The following IFT46 variants were observed in gnomAD, a reference collection of about 807,000 sequenced individuals.
IFT46 encodes the protein intraflagellar transport protein 46 homolog.
A neutral mutation model predicts 39.6 loss-of-function variants in IFT46; 19 were observed. The ratio of observed to expected loss-of-function variants is 0.48; its 90% CI spans 0.33 to 0.70. The LOEUF (loss-of-function observed/expected upper bound fraction) is 0.70. IFT46 is among the 30% of genes least tolerant of loss of function. The pLI is 0.01. For synonymous variants in IFT46, 117 were observed against 134.8 expected, an observed-to-expected ratio of 0.87 and a Z score of 0.91; for missense variants, 334 against 364.8, an observed-to-expected ratio of 0.92 and a Z score of 0.69.
intron 2 of IFT46, chr11:118,561,346 G>C: frequency 1.1e-6 from 1 of 936,636 alleles, no homozygotes; most frequent in South Asian, 1.3e-5. Context: ...ATGCTTACAA[G>C]AACCAGTTCT....
chr11:118,546,389 G>A, intron 9 of IFT46: 1 of 489,352 alleles, frequency 2.0e-6, no homozygotes, highest in South Asian at 2.3e-5. Flanking sequence ...TACTTGGGAG[G>A]CTGGGGTGGG....
At chr11:118,569,564 G>A (rs142435914), upstream of IFT46, among the ~76,000 whole-genome samples, 3 of 152,242 alleles carry the variant, frequency 2.0e-5, no homozygotes. Flanking sequence ...AATTGATACG[G>A]GTAAGAGCAA....
At chr11:118,551,147 G>A (rs1413327332) in intron 9 of IFT46, among the ~76,000 whole-genome samples, 1 of 151,674 alleles carries the variant, frequency 6.6e-6, no homozygotes, top group African/African-American at 2.4e-5. Flanking sequence ...CAAGGCAGAC[G>A]GATCACTTGA....
In IFT46 at chr11:118,556,932, A is replaced by T. The variant is rs1937857099; in HGVS notation, c.159T>A (p.Asp53Glu). 5.7e-6 allele frequency: 9 copies of T among 1,591,142 alleles called. No homozygotes were observed. The highest frequency in any genetic ancestry group is 1.2e-5 in the South Asian group (1 of 86,942). ...SETDSDSDDD[D>E]EEHGAPLEGA... ...CTTCCAGAGGGGCTCCATGCTCTTC[A>T]TCATCATCATCAGAATCAGAATCAG... The change falls in exon 4 of 12, where the codon GAT becomes GAA. Residue 53 changes from aspartate (D) to glutamate (E), a missense_variant. Coordinates refer to ENST00000264021, the MANE Select transcript of IFT46 (RefSeq NM_001168618.2).
chr11:118,554,808 G>C (rs1937772547), intron 6 of IFT46, among the ~76,000 whole-genome samples, 182 bp downstream of exon 6: 1 of 152,194 alleles, frequency 6.6e-6, no homozygotes, highest in African/African-American at 2.4e-5. Flanking sequence ...AATGTGTAAT[G>C]AGATATTAAG....
At chr11:118,556,147 C>T (rs577236389) in intron 4 of IFT46, among the ~76,000 whole-genome samples, 65 of 152,204 alleles carry the variant, frequency 4.3e-4, no homozygotes, top group African/African-American at 1.4e-3. Flanking sequence ...CTCAGCCTCC[C>T]GAGCAGCCGG....
At chr11:118,568,601 G>GTGTA (rs1938276612), upstream of IFT46, among the ~76,000 whole-genome samples, 1 of 151,836 alleles carries the variant, frequency 6.6e-6, no homozygotes, top group Admixed American at 6.6e-5. Context: ...CCCCATAAAT[G>GTGTA]TGTACAGTTG....
chr11:118,545,260 C>T, intron 11 of IFT46, 149 bp downstream of exon 11: 1 of 750,766 alleles, frequency 1.3e-6, no homozygotes, highest in African/African-American at 1.7e-5. Flanking sequence ...ATCCCTGCCT[C>T]CTTTGCTCTC....
rs1322391658 is a variant in IFT46 at position 118,544,722 on chromosome 11, C to G, written c.*194G>C. 4 of 547,884 alleles carry G rather than the reference C, an allele frequency of 7.3e-6. No homozygotes were observed. In the African/African-American group the frequency reaches 7.7e-5, roughly 11 times the overall value. The allele number at this position is 547,884 out of a possible 1,614,324, so 33.9% of individuals were successfully genotyped here. A position where few individuals can be genotyped will look rare whatever the true frequency, so the allele number is the denominator to read the frequency against. Reference sequence around the variant, plus strand: ...TGTAGATGCATTAACTCCCCGGGGACAGCAATCTGAGGCAGGCAGGTTCAT... The same window carrying G: ...TGTAGATGCATTAACTCCCCGGGGAGAGCAATCTGAGGCAGGCAGGTTCAT... On this transcript the variant is annotated 3_prime_UTR_variant, in exon 12 of 12. Coordinates refer to ENST00000264021, the MANE Select transcript of IFT46 (RefSeq NM_001168618.2).
intron 9 of IFT46, 63 bp downstream of exon 9, chr11:118,551,723 A>C: frequency 8.0e-7 from 1 of 1,254,874 alleles, no homozygotes; most frequent in Admixed American, 2.0e-5. Context: ...GAAGAGAAAA[A>C]ACACTGGGCC....
At chr11:118,557,829 G>A (rs781908695) in intron 3 of IFT46, 5 of 1,614,070 alleles carry the variant, frequency 3.1e-6, no homozygotes, top group Non-Finnish European at 4.2e-6. Flanking sequence ...AGGGGCAGGT[G>A]GAACAGGGTC....
At position 118,552,224 on chromosome 11, in the gene IFT46, GCA is replaced by G; in HGVS notation, c.593_594del (p.Val198AlafsTer10). On this transcript the variant is annotated frameshift_variant, in exon 8 of 12. Transcript: ENST00000264021. LOFTEE classifies it high-confidence loss of function. The stretch of plus-strand genomic sequence containing the variant: ...TGTGGTATTTCTTACCTGGTGTAGT[GCA>G]CAGTCGCAGGGGGCTTAGAACGGTG... ...ELHRSKPPAT[V>X]HYTRPMPDID... The G allele has an allele frequency of 1.2e-6, 2 of 1,614,090 alleles. No individual in the cohort carries two copies. The highest frequency in any genetic ancestry group is 4.5e-5 in the East Asian group (2 of 44,882).
chr11:118,555,112 G>C, intron 5 of IFT46, 29 bp from the exon 6 acceptor site: 1 of 1,575,484 alleles, frequency 6.3e-7, no homozygotes, highest in South Asian at 1.1e-5. Flanking sequence ...GGAAGGTGGA[G>C]ACAGTCAGAA....
upstream of IFT46, among the ~76,000 whole-genome samples, chr11:118,575,144 A>G (rs1378241284): frequency 6.6e-6 from 1 of 151,638 alleles, no homozygotes; most frequent in Non-Finnish European, 1.5e-5. Flanking sequence ...ACGCCCAACT[A>G]CTTTTTTGTA....
upstream of IFT46, among the ~76,000 whole-genome samples, chr11:118,576,547 A>G (rs958282109): frequency 2.0e-5 from 3 of 151,966 alleles, no homozygotes; most frequent in East Asian, 1.9e-4. Flanking sequence ...AGTATATGCT[A>G]TATTTTAATA....
At chr11:118,568,725 G>A (rs542613629), upstream of IFT46, among the ~76,000 whole-genome samples, 1 of 150,352 alleles carries the variant, frequency 6.7e-6, no homozygotes, top group Non-Finnish European at 1.5e-5. Flanking sequence ...GGAATACAGT[G>A]ACGAGACCTC....
chr11:118,570,197 G>A (rs1435706163), upstream of IFT46, among the ~76,000 whole-genome samples: 1 of 151,674 alleles, frequency 6.6e-6, no homozygotes, highest in African/African-American at 2.4e-5. Context: ...GAGACTACAG[G>A]CACGCGCCAC....
chr11:118,569,104 C>G (rs1478550773), upstream of IFT46, among the ~76,000 whole-genome samples: 3 of 149,608 alleles, frequency 2.0e-5, no homozygotes, highest in Non-Finnish European at 3.0e-5. Context: ...ATGGTGAAAC[C>G]CCATCTCTAC....
At position 118,554,693 on chromosome 11, in the gene IFT46, T is replaced by C. The variant is rs112893641; in HGVS notation, c.355-106A>G. 2.5e-3 allele frequency: 3,083 copies of C among 1,226,972 alleles called. 50 individuals are homozygous for C. The African/African-American group carries it at 0.038, about 15-fold the overall frequency. The allele number at this position is 1,226,972 out of a possible 1,614,324, so 76.0% of individuals were successfully genotyped here. On this transcript the variant is annotated intron_variant, in intron 6 of 11. Coordinates refer to ENST00000264021, the MANE Select transcript of IFT46 (RefSeq NM_001168618.2). ...ATTACTAGTATTAAAAGCATGCTTATCATGCTGTACGCAATACTATCCAGA... is the reference window on the plus strand; with the variant it reads ...ATTACTAGTATTAAAAGCATGCTTACCATGCTGTACGCAATACTATCCAGA...
Sources: allele counts gnomAD v4.1 joint callset (sites outside exome capture counted in the v4.1 genomes callset), GRCh38; gene constraint gnomAD v4.1.1; transcripts MANE v1.5; gene names NCBI Gene and HGNC (gene_info 2026-07-23, HGNC 2026-07-21).